SGCD: variants seen among roughly 807,000 people sequenced by gnomAD.
SGCD encodes the protein sarcoglycan delta, also known as delta-sarcoglycan.
Under a neutral mutation model 36.6 loss-of-function variants are expected in SGCD, and 18 were observed. That is an observed-to-expected ratio of 0.49 (90% CI 0.34 to 0.73). The LOEUF (loss-of-function observed/expected upper bound fraction) is 0.73. Among genes scored for constraint, SGCD ranks in the 30% least tolerant of loss-of-function variants. SGCD has a pLI of 0.01. For missense variants in SGCD, 387 were observed against 346.7 expected (o/e 1.12, Z -0.92); for synonymous variants, 133 against 130.6 (o/e 1.02, Z -0.12).
intron 1 of SGCD, among the ~76,000 whole-genome samples, chr5:155,974,928 C>T (rs897302951): frequency 1.3e-5 from 2 of 152,112 alleles, no homozygotes; most frequent in Non-Finnish European, 2.9e-5. Context: ...CTTTTCCTTT[C>T]TGCCTACCCT....
intron 3 of SGCD, among the ~76,000 whole-genome samples, chr5:156,440,335 A>G (rs147203793): frequency 2.9e-3 from 436 of 152,216 alleles, no homozygotes; most frequent in African/African-American, 0.01. Flanking sequence ...CTTTTTGTGG[A>G]TTATGCCACA....
intron 1 of SGCD, among the ~76,000 whole-genome samples, chr5:155,949,404 A>C (rs4704884): frequency 0.3 from 45,226 of 152,062 alleles, 8,478 homozygotes; most frequent in African/African-American, 0.5. Flanking sequence ...TCATGATTAA[A>C]TTATTTAATT....
chr5:155,772,761 ATTATTAT>A, the SGCD span, among the ~76,000 whole-genome samples: 4 of 151,892 alleles, frequency 2.6e-5, no homozygotes, highest in Admixed American at 2.6e-4. Context: ...ATGAGTTACT[ATTATTAT>A]TTTTTTTATT....
chr5:156,582,019 T>C (rs1760282636), intron 4 of SGCD, among the ~76,000 whole-genome samples: 1 of 152,196 alleles, frequency 6.6e-6, no homozygotes, highest in African/African-American at 2.4e-5. Flanking sequence ...TGCTGGGAGA[T>C]GCAGACCAGA....
the SGCD span, among the ~76,000 whole-genome samples, chr5:155,860,694 G>A: frequency 1.3e-5 from 2 of 152,108 alleles, no homozygotes; most frequent in Non-Finnish European, 1.5e-5. Flanking sequence ...TGCGTGCTTC[G>A]TGGGAATCAC....
At chr5:156,156,307 T>C (rs1356841351) in intron 3 of SGCD, among the ~76,000 whole-genome samples, 1 of 151,598 alleles carries the variant, frequency 6.6e-6, no homozygotes, top group Admixed American at 6.5e-5. Flanking sequence ...TTCCCAAATC[T>C]TGCTGTTGAG....
chr5:155,733,216 C>T, the SGCD span, among the ~76,000 whole-genome samples: 1 of 151,996 alleles, frequency 6.6e-6, no homozygotes, highest in Non-Finnish European at 1.5e-5. Flanking sequence ...GTAAGAAACA[C>T]CCCTTTCCTC....
At position 155,955,927 on chromosome 5, in the gene SGCD, G is replaced by A. The variant is rs954463363; in HGVS notation, c.-282+85503G>A. 3.3e-5 allele frequency among the ~76,000 whole-genome samples: 5 copies of A among 152,168 alleles called. No homozygotes were observed. The East Asian group carries it at 5.8e-4, about 18-fold the overall frequency. ...ACTGAGTTAGCCCTAAAGTAAAACC[G>A]TAGGGACTTAAATGTAAAGTGTGTA... On this transcript the variant is annotated intron_variant, in intron 1 of 9. Transcript: ENST00000517913.
intron 1 of SGCD, among the ~76,000 whole-genome samples, chr5:156,328,513 A>G (rs1383954345): frequency 6.6e-6 from 1 of 152,162 alleles, no homozygotes; most frequent in Non-Finnish European, 1.5e-5. Context: ...CTAATAGAAG[A>G]GCCTGAAGTT....
chr5:156,758,820 A>AAAG (rs1046063803), intron 8 of SGCD, among the ~76,000 whole-genome samples: 4 of 152,110 alleles, frequency 2.6e-5, no homozygotes, highest in African/African-American at 9.7e-5. Flanking sequence ...CTAGCATTTA[A>AAAG]AAGTTGGAAA....
chr5:155,755,906 C>T, the SGCD span, among the ~76,000 whole-genome samples: 2 of 152,160 alleles, frequency 1.3e-5, no homozygotes, highest in Non-Finnish European at 2.9e-5. Context: ...TGTCTTCTGT[C>T]ATTTTCCTCT....
intron 2 of SGCD, among the ~76,000 whole-genome samples, chr5:156,123,478 C>A (rs558331468): frequency 6.6e-6 from 1 of 152,180 alleles, no homozygotes; most frequent in South Asian, 2.1e-4. Flanking sequence ...TGATGATAGA[C>A]CAGTGTTAAA....
rs573342526 is a variant in SGCD at position 156,383,776 on chromosome 5, A to G, written c.192+39099A>G. Among the ~76,000 whole-genome samples, 12 of 152,310 alleles carry G rather than the reference A, an allele frequency of 7.9e-5. No homozygotes were observed. The South Asian group carries it at 1.0e-3, about 13-fold the overall frequency. ...CATGTCATCACTGCAGAAGTCTGAA[A>G]CAGCTGCTTCATTCCTCTAGTATTG... On this transcript the variant is annotated intron_variant, in intron 3 of 8. Coordinates refer to ENST00000337851, the MANE Select transcript of SGCD (RefSeq NM_000337.6).
At chr5:155,874,765 G>A (rs1755731639) in intron 1 of SGCD, among the ~76,000 whole-genome samples, 1 of 152,008 alleles carries the variant, frequency 6.6e-6, no homozygotes, top group Admixed American at 6.6e-5. Flanking sequence ...GAAAATACCA[G>A]GTATTGGTGA....
At chr5:155,986,903 T>A (rs1034990669) in intron 1 of SGCD, among the ~76,000 whole-genome samples, 12 of 152,170 alleles carry the variant, frequency 7.9e-5, no homozygotes, top group Admixed American at 5.2e-4. Flanking sequence ...AGTGAGGAAC[T>A]GGGGTGGATC....
intron 1 of SGCD, among the ~76,000 whole-genome samples, chr5:155,896,329 G>T (rs1756257719): frequency 6.6e-6 from 1 of 152,086 alleles, no homozygotes; most frequent in Non-Finnish European, 1.5e-5. Flanking sequence ...AACGTAGGAG[G>T]TGGAGGCTGG....
At chr5:156,432,445 G>A (rs922388580) in intron 3 of SGCD, among the ~76,000 whole-genome samples, 8 of 152,252 alleles carry the variant, frequency 5.3e-5, no homozygotes, top group African/African-American at 1.7e-4. Context: ...AGTAGTAGCA[G>A]TGGGATTTGA....
chr5:156,114,935 G>T (rs1761875869), intron 1 of SGCD, among the ~76,000 whole-genome samples: 1 of 151,938 alleles, frequency 6.6e-6, no homozygotes, highest in Non-Finnish European at 1.5e-5. Context: ...AGGGATAGCA[G>T]GTAATAGTCC....
chr5:156,003,310 T>C (rs1011578811), intron 1 of SGCD, among the ~76,000 whole-genome samples: 3 of 152,250 alleles, frequency 2.0e-5, no homozygotes, highest in Non-Finnish European at 4.4e-5. Context: ...CACGTAGCAG[T>C]GTGCCTGGCA....
Sources: gnomAD v4.1 joint callset for allele counts (sites outside exome capture counted in the v4.1 genomes callset) on GRCh38, gnomAD v4.1.1 for gene constraint, MANE v1.5 for transcripts, NCBI Gene and HGNC (gene_info 2026-07-23, HGNC 2026-07-21) for gene names.